Variants in KLF16 observed in about 807,000 individuals in gnomAD.
KLF16 encodes the protein KLF transcription factor 16, also known as Krueppel-like factor 16.
KLF16 carries 6 observed loss-of-function variants against 6.1 expected under a neutral mutation model. The observed-to-expected ratio is 0.98, with a 90% CI of 0.54 to 1.93. The LOEUF (loss-of-function observed/expected upper bound fraction) is 1.93. Among genes scored for constraint, KLF16 ranks in the 30% most tolerant of loss-of-function variants. The pLI, the probability that KLF16 is intolerant of heterozygous loss-of-function variation, is 0.01. For missense variants in KLF16, 355 were observed against 363.8 expected (o/e 0.98, Z 0.20); for synonymous variants, 211 against 176.5 (o/e 1.20, Z -1.55).
At chr19:1,863,731 G>A (rs2012126948), upstream of KLF16, among the ~76,000 whole-genome samples, 1 of 141,876 alleles carries the variant, frequency 7.0e-6, no homozygotes, top group Non-Finnish European at 1.6e-5. Flanking sequence ...CCCCCTCGGG[G>A]CGCCGCAGCC....
upstream of KLF16, among the ~76,000 whole-genome samples, chr19:1,864,170 C>T (rs1416226260): frequency 2.6e-5 from 4 of 151,470 alleles, no homozygotes; most frequent in Admixed American, 2.0e-4. Flanking sequence ...TGCTTCCCTC[C>T]TGGCCCCGGG....
chr19:1,866,775 C>A (rs1388192511), upstream of KLF16, among the ~76,000 whole-genome samples: 1,261 of 86,508 alleles, frequency 0.015, no homozygotes, highest in South Asian at 0.018. Context: ...GACCCTGTCT[C>A]AAAAAAAAAA....
At chr19:1,868,461 C>CTT (rs762308559), upstream of KLF16, among the ~76,000 whole-genome samples, 230 of 110,030 alleles carry the variant, frequency 2.1e-3, 32 homozygotes, top group African/African-American at 4.3e-3. Flanking sequence ...CAGATTAGGG[C>CTT]TTTTTTTTTT....
chr19:1,854,673 G>T lies in KLF16; in HGVS notation c.545C>A (p.Thr182Lys). 1 of 1,600,460 alleles carries T rather than the reference G, an allele frequency of 6.2e-7. No homozygotes were observed. Residue 182 changes from threonine (T) to lysine (K), a missense_variant, in exon 2 of 2, where the codon ACG (threonine) becomes AAG (lysine). Thr to Lys is a moderately conservative substitution (Grantham distance 78, BLOSUM62 -1). Transcript: ENST00000250916. ...AGGGCAGGAGAAGCGCTTCTCGCCC[G>T]TGTGCGTCCGGTGGTGGCGGGCCAG... ...DELARHHRTH[T>K]GEKRFSCPLC... is the part of the protein sequence containing the mutation.
Position 1,863,420 on chromosome 19 carries a change from G to T in KLF16, c.78C>A (p.His26Gln). 9.8e-7 allele frequency: 1 copy of T among 1,016,196 alleles called. No homozygotes were observed. The highest frequency in any genetic ancestry group is 3.4e-5 in the South Asian group (1 of 29,170). 62.9% of individuals were successfully genotyped at this position (1,016,196 alleles called of 1,614,324 possible). A position where few individuals can be genotyped will look rare whatever the true frequency, so the allele number is the denominator to read the frequency against. The change falls in exon 1 of 2, where the codon CAC becomes CAA. Residue 26 changes from histidine to glutamine, a missense_variant. Transcript: ENST00000250916. ...CGCCCTCGGGGCCGGGCCGCCCGCG[G>T]TGCACCACGGCGCCCGAAGAGATGG... ...LMAISSGAVVHRGRPGPEGAG... is the reference protein window; with the variant it reads ...LMAISSGAVVQRGRPGPEGAG...
Position 1,863,238 on chromosome 19 carries a change from A to T in KLF16, c.260T>A (p.Leu87Gln). 2 of 1,067,984 alleles carry T rather than the reference A, an allele frequency of 1.9e-6. No homozygotes were observed. The highest frequency in any genetic ancestry group is 2.3e-6 in the Non-Finnish European group (2 of 882,738). The allele number at this position is 1,067,984 out of a possible 1,614,324, so 66.2% of individuals were successfully genotyped here. A position where few individuals can be genotyped will look rare whatever the true frequency, so the allele number is the denominator to read the frequency against. ...CGGGGCGGCTCCGGGTCCGCCGCGC[A>T]GGTCGGCCAGGATGCTGGCGGCCAG... ...HLLAASILAD[L>Q]RGGPGAAPGG... The change falls in exon 1 of 2, where the codon CTG (leucine) becomes CAG (glutamine). Residue 87 changes from leucine to glutamine, a missense_variant. Coordinates refer to ENST00000250916, the MANE Select transcript of KLF16 (RefSeq NM_031918.4).
In KLF16 at chr19:1,863,363, C is replaced by G. The variant is rs1175578553; in HGVS notation, c.135G>C (p.Ala45=). The G allele has an allele frequency of 4.1e-6, 4 of 980,046 alleles. No homozygotes were observed. Among genetic ancestry groups the G allele is most frequent in the Non-Finnish European group, 4.8e-6 (4 of 828,140 alleles). The allele number at this position is 980,046 out of a possible 1,614,324, so 60.7% of individuals were successfully genotyped here. The change falls in exon 1 of 2, where the codon GCG becomes GCC. Residue 45 remains alanine (A), a synonymous_variant. Transcript: ENST00000250916. The part of the protein sequence containing the change: ...AGPAAGLDVR[A]ARREAASPGT... ...CGGGTGAGGCGGCCTCGCGGCGCGCCGCGCGCACATCCAGGCCGGCGGCGG... is the reference window on the plus strand; with the variant it reads ...CGGGTGAGGCGGCCTCGCGGCGCGCGGCGCGCACATCCAGGCCGGCGGCGG...
the KLF16 span, among the ~76,000 whole-genome samples, chr19:1,871,365 T>C: frequency 1.3e-5 from 2 of 152,072 alleles, no homozygotes; most frequent in African/African-American, 4.8e-5. Context: ...GAGGTGGCCA[T>C]GAGGCCTGCA....
intron 1 of KLF16, among the ~76,000 whole-genome samples, chr19:1,856,201 G>A (rs73519145): frequency 0.021 from 3,267 of 152,206 alleles, 108 homozygotes; most frequent in African/African-American, 0.075. Context: ...GGAGGGGCAC[G>A]GCCATGCTCA....
chr19:1,860,882 C>G (rs1262365449), intron 1 of KLF16, among the ~76,000 whole-genome samples: 2 of 152,130 alleles, frequency 1.3e-5, no homozygotes, highest in Admixed American at 1.3e-4. Flanking sequence ...TCCAAGGTGC[C>G]TGGGCCTGGG....
rs1213836422 is a variant in KLF16, at chr19:1,854,726, G to A, written c.492C>T (p.Cys164=). The A allele has an allele frequency of 5.6e-6, 9 of 1,597,996 alleles. No homozygotes were observed. In the African/African-American group the frequency reaches 6.7e-5, roughly 12 times the overall value. ...CGTCGGAGCGGGCGAACTTCTTGTC[G>A]CAGCCCTGCCAGTCACAAGCAAAAG... The part of the protein sequence containing the change: ...ERPFACDWQG[C]DKKFARSDEL... The change falls in exon 2 of 2, where the codon TGC becomes TGT. Residue 164 remains cysteine (C), a synonymous_variant. Coordinates refer to ENST00000250916, the MANE Select transcript of KLF16 (RefSeq NM_031918.4).
intron 1 of KLF16, among the ~76,000 whole-genome samples, chr19:1,861,306 C>A (rs2012059754): frequency 6.6e-6 from 1 of 152,148 alleles, no homozygotes; most frequent in Non-Finnish European, 1.5e-5. Context: ...AAAAGAATGA[C>A]CTGGGTAGAC....
the KLF16 span, among the ~76,000 whole-genome samples, chr19:1,871,099 G>T: frequency 6.6e-6 from 1 of 152,204 alleles, no homozygotes; most frequent in Non-Finnish European, 1.5e-5. Context: ...TATCAGCGGC[G>T]GGGTCACAGA....
chr19:1,859,407 G>A (rs939689210), intron 1 of KLF16, among the ~76,000 whole-genome samples: 1 of 151,590 alleles, frequency 6.6e-6, no homozygotes, highest in African/African-American at 2.4e-5. Context: ...CCCACATCTC[G>A]TCCTGCCCTC....
rs1323766466 is a variant in KLF16 at position 1,853,318 on chromosome 19, G to C, written c.*1141C>G. Reference sequence around the variant, plus strand: ...GTGCAAAAAAAACGAGCTACCCCAGGAGGCTGCACAGCCAGCCCTCTGCTT... The same window carrying C: ...GTGCAAAAAAAACGAGCTACCCCAGCAGGCTGCACAGCCAGCCCTCTGCTT... On this transcript the variant is annotated 3_prime_UTR_variant, in exon 2 of 2. Transcript: ENST00000250916. 1 of 152,344 alleles carries C rather than the reference G, an allele frequency of 6.6e-6. No individual in the cohort carries two copies. Among genetic ancestry groups the C allele is most frequent in the Non-Finnish European group, 1.5e-5 (1 of 68,124 alleles). 9.4% of individuals were successfully genotyped at this position (152,344 alleles called of 1,614,324 possible).
At position 1,857,258 on chromosome 19, in the gene KLF16, G is replaced by A. The variant is rs2011972685; in HGVS notation, c.458-2498C>T. On this transcript the variant is annotated intron_variant, in intron 1 of 1. Transcript: ENST00000250916. This position sits in a 1 kb window ranked among gnomAD's most constrained non-coding sequence, Gnocchi z 4.7. ...TCTGCGAAATGCCAGGCCCTGCCTCGCACACAATCCACTCGCAGGGAGGAG... is the reference window on the plus strand; with the variant it reads ...TCTGCGAAATGCCAGGCCCTGCCTCACACACAATCCACTCGCAGGGAGGAG... 6.6e-6 allele frequency among the ~76,000 whole-genome samples: 1 copy of A among 152,226 alleles called. No homozygotes were observed. Among genetic ancestry groups the A allele is most frequent in the South Asian group, 2.1e-4 (1 of 4,832 alleles).
upstream of KLF16, among the ~76,000 whole-genome samples, chr19:1,865,797 G>A (rs527249951): frequency 3.9e-5 from 6 of 152,202 alleles, no homozygotes; most frequent in Non-Finnish European, 8.8e-5. Context: ...CATGACCCCT[G>A]CGGTGAACAC....
the KLF16 span, among the ~76,000 whole-genome samples, chr19:1,874,099 AGTC>A: frequency 3.3e-5 from 5 of 152,362 alleles, no homozygotes; most frequent in East Asian, 1.9e-4. Context: ...GATCAGATGA[AGTC>A]GTCAACTATT....
chr19:1,870,867 G>A, the KLF16 span, among the ~76,000 whole-genome samples: 40 of 152,226 alleles, frequency 2.6e-4, no homozygotes, highest in African/African-American at 9.4e-4. Context: ...GTGGTGGCAC[G>A]CGCCCGTAAT....
Sources: gnomAD v4.1 joint callset for allele counts (sites outside exome capture counted in the v4.1 genomes callset) on GRCh38, gnomAD v4.1.1 for gene constraint, Gnocchi (gnomAD v3.1) non-coding constraint, MANE v1.5 for transcripts, NCBI Gene and HGNC (gene_info 2026-07-23, HGNC 2026-07-21) for gene names.